IRAK1BP1: variants seen among roughly 807,000 people sequenced by gnomAD.
The protein encoded by IRAK1BP1 is interleukin 1 receptor associated kinase 1 binding protein 1, also known as interleukin-1 receptor-associated kinase 1-binding protein 1.
IRAK1BP1 carries 24 observed loss-of-function variants against 28.0 expected under a neutral mutation model. The observed-to-expected ratio is 0.86, with a 90% CI of 0.62 to 1.20. IRAK1BP1 has a LOEUF of 1.20. IRAK1BP1 is among the 50% of genes most tolerant of loss of function. IRAK1BP1 has a pLI of 0.00. For synonymous variants in IRAK1BP1, 131 were observed against 116.3 expected (o/e 1.13, Z -0.81); for missense variants, 336 against 316.7 (o/e 1.06, Z -0.46).
downstream of IRAK1BP1, among the ~76,000 whole-genome samples, chr6:78,903,928 T>TA (rs1772190543): frequency 1.3e-5 from 2 of 152,338 alleles, no homozygotes; most frequent in East Asian, 3.9e-4. Context: ...AATTATTTTT[T>TA]ATCTTCCCCT....
At chr6:78,976,200 G>A in the IRAK1BP1 span, among the ~76,000 whole-genome samples, 1 of 149,216 alleles carries the variant, frequency 6.7e-6, no homozygotes, top group African/African-American at 2.4e-5. Context: ...GAACAGAACA[G>A]AGCCCTCAGA....
chr6:78,895,996 C>G (rs1771868845), intron 2 of IRAK1BP1, among the ~76,000 whole-genome samples: 1 of 152,028 alleles, frequency 6.6e-6, no homozygotes, highest in Admixed American at 6.5e-5. Flanking sequence ...TAGTAAACAT[C>G]AAAAAATTTA....
downstream of IRAK1BP1, among the ~76,000 whole-genome samples, chr6:78,904,591 T>C (rs1772212414): frequency 6.6e-6 from 1 of 152,200 alleles, no homozygotes; most frequent in South Asian, 2.1e-4. Context: ...ACAGTAAATG[T>C]ATAGCTCATA....
At chr6:78,892,097 A>C (rs905518872) in intron 2 of IRAK1BP1, among the ~76,000 whole-genome samples, 9 of 152,192 alleles carry the variant, frequency 5.9e-5, no homozygotes, top group African/African-American at 2.2e-4. Context: ...GAAACAAAAC[A>C]AGGTAAATAC....
Position 78,933,212 on chromosome 6 carries a change from G to A in IRAK1BP1, c.*68-12196G>A, listed in dbSNP as rs147838523. Among the ~76,000 whole-genome samples, 130 of 152,298 alleles carry A rather than the reference G, an allele frequency of 8.5e-4. 1 individual carries two copies. Among genetic ancestry groups the A allele is most frequent in the South Asian group, 8.3e-3 (40 of 4,826 alleles). The stretch of plus-strand genomic sequence containing the variant: ...ACCAATATAAGGATGTTTCATCTGC[G>A]TTGAAAATTTGTATAGATTTTCATC... On this transcript the variant is annotated intron_variant and NMD_transcript_variant, in intron 4 of 4. Transcript: ENST00000606868.
At chr6:78,948,405 C>A (rs909523379), downstream of IRAK1BP1, among the ~76,000 whole-genome samples, 2 of 152,054 alleles carry the variant, frequency 1.3e-5, no homozygotes, top group African/African-American at 2.4e-5. Context: ...ACACGTGAAA[C>A]AGGAAGAGCA....
intron 4 of IRAK1BP1, chr6:78,940,559 T>TTTTTTTTTTTG (rs1773446414): frequency 5.5e-6 from 1 of 180,458 alleles, no homozygotes; most frequent in South Asian, 2.2e-4. Context: ...TTTTTTTTTT[T>TTTTTTTTTTTG]TTTTTTTTTT....
intron 1 of IRAK1BP1, among the ~76,000 whole-genome samples, chr6:78,877,068 T>C (rs947308926): frequency 5.9e-5 from 9 of 152,178 alleles, no homozygotes; most frequent in African/African-American, 2.2e-4. Flanking sequence ...GTTTTGGCCT[T>C]GTGCTGAGTA....
downstream of IRAK1BP1, among the ~76,000 whole-genome samples, chr6:78,906,722 T>C (rs73764085): frequency 9.7e-3 from 1,480 of 152,284 alleles, 21 homozygotes; most frequent in African/African-American, 0.033. Context: ...GGGTTTTTTT[T>C]CCCCAAATAT....
chr6:78,912,150 G>A (rs987726871), intron 4 of IRAK1BP1, among the ~76,000 whole-genome samples: 5 of 152,062 alleles, frequency 3.3e-5, no homozygotes, highest in Admixed American at 6.6e-5. Flanking sequence ...CTTTTTCTGG[G>A]ACAACTTCCC....
At chr6:78,923,831 C>G (rs1050291710) in intron 4 of IRAK1BP1, among the ~76,000 whole-genome samples, 7 of 152,044 alleles carry the variant, frequency 4.6e-5, no homozygotes, top group African/African-American at 1.5e-4. Flanking sequence ...GGGTACATAA[C>G]GAAATGAAGG....
intron 4 of IRAK1BP1, chr6:78,940,548 G>GT (rs36155238): frequency 0.11 from 8,998 of 82,244 alleles, 2,237 homozygotes; most frequent in African/African-American, 0.15. Context: ...TCGTAAGTTT[G>GT]TTTTTTTTTT....
the IRAK1BP1 span, chr6:78,978,788 TATAAAG>T: frequency 8.6e-7 from 1 of 1,166,046 alleles, no homozygotes; most frequent in South Asian, 1.6e-5. Flanking sequence ...TTAAAATAAC[TATAAAG>T]ATAATTAAAT....
At chr6:78,943,552 T>C (rs889814833) in intron 4 of IRAK1BP1, among the ~76,000 whole-genome samples, 5 of 152,212 alleles carry the variant, frequency 3.3e-5, no homozygotes, top group Non-Finnish European at 4.4e-5. Context: ...ACACTTATTA[T>C]CTTCTGTATA....
chr6:78,938,686 ATTT>A (rs1442729787), intron 4 of IRAK1BP1: 2 of 151,670 alleles, frequency 1.3e-5, no homozygotes, highest in East Asian at 3.9e-4. Context: ...AGTTAAATAT[ATTT>A]GTTAGAAAAA....
rs565586083 is a variant in IRAK1BP1, at chr6:78,926,759, T to C, written c.*68-18649T>C. On this transcript the variant is annotated intron_variant and NMD_transcript_variant, in intron 4 of 4. Transcript: ENST00000606868. ...TCCCTATCTCCATGAATTCAGCTGT[T>C]TTTATTTTTAGATCTGACAAATGAG... 2.4e-4 allele frequency among the ~76,000 whole-genome samples: 37 copies of C among 152,228 alleles called. No individual in the cohort carries two copies. In the South Asian group the frequency reaches 7.7e-3, roughly 32 times the overall value.
chr6:78,874,908 T>G (rs777121404), intron 1 of IRAK1BP1, among the ~76,000 whole-genome samples: 2 of 152,116 alleles, frequency 1.3e-5, no homozygotes, highest in Non-Finnish European at 2.9e-5. Flanking sequence ...TTAATTAAAC[T>G]AAAGAGCTTC....
intron 1 of IRAK1BP1, among the ~76,000 whole-genome samples, chr6:78,881,798 G>A (rs1189621097): frequency 6.6e-6 from 1 of 152,006 alleles, no homozygotes; most frequent in Admixed American, 6.6e-5. Context: ...TATATACTGG[G>A]GTTAAACAAA....
At chr6:78,871,439 T>A in intron 1 of IRAK1BP1, 1 of 985,602 alleles carries the variant, frequency 1.0e-6, no homozygotes, top group Non-Finnish European at 1.2e-6. Flanking sequence ...TTTCTCCTTT[T>A]TGCTTCACAA....
Sources: allele counts gnomAD v4.1 joint callset (sites outside exome capture counted in the v4.1 genomes callset), GRCh38; gene constraint gnomAD v4.1.1; transcripts MANE v1.5; gene names NCBI Gene and HGNC (gene_info 2026-07-23, HGNC 2026-07-21).